The following SBNO2 variants were observed in gnomAD, a reference collection of about 807,000 sequenced individuals.
SBNO2 encodes the protein protein strawberry notch homolog 2.
Under a neutral mutation model 146.3 loss-of-function variants are expected in SBNO2, and 89 were observed. That is an observed-to-expected ratio of 0.61 (90% confidence interval 0.51 to 0.73). SBNO2 has a LOEUF of 0.73. SBNO2 is among the 30% of genes least tolerant of loss of function. The pLI is 0.00. For synonymous variants in SBNO2, 1,147 were observed against 892.6 expected, an observed-to-expected ratio of 1.29 and a Z score of -5.08; for missense variants, 2,092 against 2,003.7, an observed-to-expected ratio of 1.04 and a Z score of -0.84.
intron 1 of SBNO2, among the ~76,000 whole-genome samples, chr19:1,162,813 C>T (rs1326676967): frequency 6.6e-6 from 1 of 152,236 alleles, no homozygotes; most frequent in African/African-American, 2.4e-5. Context: ...AGACCAGCTA[C>T]ATGCACACCC....
At chr19:1,167,520 C>G (rs778778262) in intron 1 of SBNO2, among the ~76,000 whole-genome samples, 9 of 152,238 alleles carry the variant, frequency 5.9e-5, no homozygotes, top group Non-Finnish European at 1.0e-4. Context: ...GGAGCCACGT[C>G]CCCCATCACG....
chr19:1,160,080 C>T (rs372161077), intron 1 of SBNO2, among the ~76,000 whole-genome samples: 2 of 152,150 alleles, frequency 1.3e-5, no homozygotes, highest in Admixed American at 6.5e-5. Flanking sequence ...ACACGTTCCA[C>T]CCCAGGGGCA....
rs1321066683 is a variant in SBNO2 at position 1,157,280 on chromosome 19, A to G, written c.-126-2878T>C. Among the ~76,000 whole-genome samples, 1 of 152,128 alleles carries G rather than the reference A, an allele frequency of 6.6e-6. No individual in the cohort carries two copies. Among genetic ancestry groups the G allele is most frequent in the Admixed American group, 6.5e-5 (1 of 15,272 alleles). ...AATCCCCAGGATAAACCCTAGTGGG[A>G]CACTGGGTGGGGTCTTGGGGCCTGA... On this transcript the variant is annotated intron_variant, in intron 1 of 31. Coordinates refer to ENST00000361757, the MANE Select transcript of SBNO2 (RefSeq NM_014963.3). The surrounding 1 kb of genome is among the most constrained non-coding windows in gnomAD (Gnocchi z 6.8).
intron 1 of SBNO2, among the ~76,000 whole-genome samples, chr19:1,166,421 G>C (rs2145353366): frequency 6.6e-6 from 1 of 152,334 alleles, no homozygotes; most frequent in African/African-American, 2.4e-5. Flanking sequence ...ACAGGGTGGT[G>C]CGGCTTTCTG....
Position 1,110,842 on chromosome 19 carries a change from C to T in SBNO2, c.2931G>A (p.Val977=). Residue 977 remains valine (V), a synonymous_variant, in exon 26 of 32, where the codon GTG becomes GTA. Coordinates refer to ENST00000361757, the MANE Select transcript of SBNO2 (RefSeq NM_014963.3). This position sits in a 1 kb window ranked among gnomAD's most constrained non-coding sequence, Gnocchi z 4.9. ...ACTGGAACAGGGCGTTCTGCTTGTG[C>T]ACCTCCAGCCCCAGGATGCGGTTCA... ...KFLNRILGLE[V]HKQNALFQYF... The T allele has an allele frequency of 1.2e-6, 2 of 1,613,694 alleles. No homozygotes were observed. The highest frequency in any genetic ancestry group is 1.1e-5 in the South Asian group (1 of 91,082).
rs865960483 is a variant in SBNO2 at position 1,128,655 on chromosome 19, A to C, written c.280-890T>G. Among the ~76,000 whole-genome samples the C allele has an allele frequency of 4.6e-5, 7 of 150,554 alleles. 1 individual carries two copies. In the Middle Eastern group the frequency reaches 0.01, roughly 219 times the overall value. ...TGATCCATCCACCTTGGCCTCCCAA[A>C]GTGCTGGGATTACAGGCGTGAGCCA... On this transcript the variant is annotated intron_variant, in intron 4 of 31. Coordinates refer to ENST00000361757, the MANE Select transcript of SBNO2 (RefSeq NM_014963.3).
At chr19:1,132,017 C>T (rs1182993166) in intron 4 of SBNO2, 1 of 1,196,902 alleles carries the variant, frequency 8.4e-7, no homozygotes, top group East Asian at 3.1e-5. Flanking sequence ...GGGGCCCGGC[C>T]GTCCTGAATG....
Position 1,112,919 on chromosome 19 carries a change from T to G in SBNO2, c.2278A>C (p.Arg760=). Residue 760 remains arginine (R), a synonymous_variant, in exon 20 of 32, where the codon AGG becomes CGG. Transcript: ENST00000361757. The surrounding 1 kb of genome is among the most constrained non-coding windows in gnomAD (Gnocchi z 5.9). Reference sequence around the variant, plus strand: ...TCGAAGGCCACCGTCCCGTCGGGCCTGGACACCACGCGGCCTTTCCTGCCG... The same window carrying G: ...TCGAAGGCCACCGTCCCGTCGGGCCGGGACACCACGCGGCCTTTCCTGCCG... ...MTGRKGRVVS[R]PDGTVAFESR... 6.4e-7 allele frequency: 1 copy of G among 1,567,812 alleles called. No homozygotes were observed. Among genetic ancestry groups the G allele is most frequent in the Non-Finnish European group, 8.6e-7 (1 of 1,158,006 alleles).
chr19:1,152,112 C>T (rs757506512), intron 2 of SBNO2, among the ~76,000 whole-genome samples: 1 of 152,202 alleles, frequency 6.6e-6, no homozygotes, highest in African/African-American at 2.4e-5. Context: ...GCCTCACACA[C>T]GGGATGGGGA....
In SBNO2 at chr19:1,113,521, C is replaced by G. The variant is rs371581389; in HGVS notation, c.2247+14G>C. 1 of 1,586,956 alleles carries G rather than the reference C, an allele frequency of 6.3e-7. No homozygotes were observed. Among genetic ancestry groups the G allele is most frequent in the African/African-American group, 1.4e-5 (1 of 72,650 alleles). ...GCCCCGCCCACCACACTCCAGCTGC[C>G]ACGTCCCACCCACCTCCGCCACCCG... On this transcript the variant is annotated intron_variant, in intron 19 of 31. Coordinates refer to ENST00000361757, the MANE Select transcript of SBNO2 (RefSeq NM_014963.3).
In SBNO2 at chr19:1,173,472, G is replaced by A. The variant is rs1035579989; in HGVS notation, c.-127+700C>T. On this transcript the variant is annotated intron_variant, in intron 1 of 31. Transcript: ENST00000361757. The surrounding 1 kb of genome is among the most constrained non-coding windows in gnomAD (Gnocchi z 4.7). Reference sequence around the variant, plus strand: ...AGAAACCGAAAAACCATCTGCCCCAGAAGAGAAGTCGGAGGCCCCAGGAGC... The same window carrying A: ...AGAAACCGAAAAACCATCTGCCCCAAAAGAGAAGTCGGAGGCCCCAGGAGC... Among the ~76,000 whole-genome samples the A allele has an allele frequency of 1.9e-4, 29 of 152,200 alleles. No individual in the cohort carries two copies. The highest frequency in any genetic ancestry group is 6.8e-4 in the African/African-American group (28 of 41,456).
chr19:1,146,432 A>C (rs942577574), intron 4 of SBNO2, among the ~76,000 whole-genome samples: 1 of 152,066 alleles, frequency 6.6e-6, no homozygotes, highest in African/African-American at 2.4e-5. Context: ...TTCTCTCTGG[A>C]TCTGGCCGGC....
In SBNO2 at chr19:1,158,517, C is replaced by A. The variant is rs2080313620; in HGVS notation, c.-126-4115G>T. 6.6e-6 allele frequency among the ~76,000 whole-genome samples: 1 copy of A among 151,966 alleles called. No individual in the cohort carries two copies. Among genetic ancestry groups the A allele is most frequent in the South Asian group, 2.1e-4 (1 of 4,816 alleles). Reference sequence around the variant, plus strand: ...CCACGGGAGGACCCAGGGCGCACGGCACACCCCAGAGCGCTCCGCCCAGGC... The same window carrying A: ...CCACGGGAGGACCCAGGGCGCACGGAACACCCCAGAGCGCTCCGCCCAGGC... On this transcript the variant is annotated intron_variant, in intron 1 of 31. Coordinates refer to ENST00000361757, the MANE Select transcript of SBNO2 (RefSeq NM_014963.3). This position sits in a 1 kb window ranked among gnomAD's most constrained non-coding sequence, Gnocchi z 9.9.
chr19:1,167,286 C>T (rs985667868), intron 1 of SBNO2, among the ~76,000 whole-genome samples: 1 of 152,270 alleles, frequency 6.6e-6, no homozygotes, highest in Non-Finnish European at 1.5e-5. Context: ...TTCCCTCAAA[C>T]GTAGCTGCTG....
At chr19:1,127,867 C>T in intron 4 of SBNO2, 102 bp from the exon 5 acceptor site, 1 of 1,089,060 alleles carries the variant, frequency 9.2e-7, no homozygotes, top group Admixed American at 2.1e-5. Context: ...GCCCTCCACA[C>T]ACTGGAGCAT....
At position 1,113,363 on chromosome 19, in the gene SBNO2, C is replaced by T. The variant is rs377612159; in HGVS notation, c.2247+172G>A. 2.9e-4 allele frequency among the ~76,000 whole-genome samples: 44 copies of T among 152,282 alleles called. No homozygotes were observed. The East Asian group carries it at 7.7e-3, about 27-fold the overall frequency. ...CACAGGAGGTCGTGGCCTCCCGGGC[C>T]GAGCTGGACAGCACGCTGCTGCCCC... On this transcript the variant is annotated intron_variant, in intron 19 of 31. Transcript: ENST00000361757.
At chr19:1,159,752 C>T (rs1415978766) in intron 1 of SBNO2, among the ~76,000 whole-genome samples, 2 of 81,904 alleles carry the variant, frequency 2.4e-5, no homozygotes, top group Non-Finnish European at 4.6e-5. Context: ...AGGGAGACAG[C>T]GGGGAGATGG....
At chr19:1,132,441 G>A (rs945687008) in intron 4 of SBNO2, among the ~76,000 whole-genome samples, 1 of 152,198 alleles carries the variant, frequency 6.6e-6, no homozygotes, top group Non-Finnish European at 1.5e-5. Flanking sequence ...CCCGTGCCCC[G>A]CCGCAGGACC....
intron 31 of SBNO2, 35 bp downstream of exon 31, chr19:1,108,744 C>T (rs1259745285): frequency 6.3e-7 from 1 of 1,589,862 alleles, no homozygotes; most frequent in Non-Finnish European, 8.5e-7. Context: ...GCGCTGGGGG[C>T]TCGGGCCTTC....
Sources: allele counts gnomAD v4.1 joint callset (sites outside exome capture counted in the v4.1 genomes callset), GRCh38; gene constraint gnomAD v4.1.1; non-coding constraint Gnocchi (gnomAD v3.1); transcripts MANE v1.5; gene names NCBI Gene and HGNC (gene_info 2026-07-23, HGNC 2026-07-21).